PDK1: variants seen among roughly 807,000 people sequenced by gnomAD.
PDK1 encodes the protein [Pyruvate dehydrogenase (acetyl-transferring)] kinase isozyme 1, mitochondrial.
In PDK1, 39 loss-of-function variants were observed where a neutral mutation model predicts 54.2. The ratio of observed to expected loss-of-function variants is 0.72; its 90% CI spans 0.56 to 0.94. The LOEUF (loss-of-function observed/expected upper bound fraction) is 0.94, where lower values mean the gene tolerates loss of function less well. Among genes scored for constraint, PDK1 ranks in the 40% least tolerant of loss-of-function variants. The pLI, the probability that PDK1 is intolerant of heterozygous loss-of-function variation, is 0.00. For missense variants in PDK1, 552 were observed against 566.0 expected (o/e 0.98, Z 0.25); for synonymous variants, 221 against 207.1 (o/e 1.07, Z -0.58).
At chr2:172,655,162 A>G in the PDK1 span, among the ~76,000 whole-genome samples, 2 of 152,226 alleles carry the variant, frequency 1.3e-5, no homozygotes, top group Non-Finnish European at 2.9e-5. Flanking sequence ...GGCTGGAGTC[A>G]GCAGGCTTCT....
chr2:172,564,611 C>A lies in PDK1; in HGVS notation c.519C>A (p.Thr173=), dbSNP rs747378185. ...YKESFGVDPV[T]SQNVQYFLDR... ...AGAGCTTTGGGGTGGATCCTGTCACCAGCCAGAATGTTCAGTACTTTTTGG... is the reference window on the plus strand; with the variant it reads ...AGAGCTTTGGGGTGGATCCTGTCACAAGCCAGAATGTTCAGTACTTTTTGG... The change falls in exon 4 of 11, where the codon ACC becomes ACA. Residue 173 remains threonine, a synonymous_variant. Transcript: ENST00000282077. 4 of 1,614,038 alleles carry A rather than the reference C, an allele frequency of 2.5e-6. No individual in the cohort carries two copies. In the South Asian group the frequency reaches 4.4e-5, roughly 18 times the overall value.
intron 9 of PDK1, 28 bp from the exon 10 acceptor site, chr2:172,592,907 A>G: frequency 8.1e-7 from 1 of 1,229,036 alleles, no homozygotes; most frequent in Non-Finnish European, 1.2e-6. Context: ...GTCTTTCTGA[A>G]TAGAATTTTG....
At chr2:172,687,985 C>T in the PDK1 span, among the ~76,000 whole-genome samples, 1 of 152,220 alleles carries the variant, frequency 6.6e-6, no homozygotes, top group Non-Finnish European at 1.5e-5. Flanking sequence ...GGACCTCCTA[C>T]CCTGCAAAGT....
intron 8 of PDK1, among the ~76,000 whole-genome samples, chr2:172,577,143 T>C (rs898845639): frequency 1.3e-5 from 2 of 152,164 alleles, no homozygotes; most frequent in Admixed American, 1.3e-4. Flanking sequence ...TACATATATG[T>C]TTTTAATTAT....
chr2:172,720,239 C>T, the PDK1 span, among the ~76,000 whole-genome samples: 52 of 151,960 alleles, frequency 3.4e-4, no homozygotes, highest in South Asian at 6.2e-4. Flanking sequence ...CTCAGCCTCC[C>T]CGATAGCTGG....
At chr2:172,636,446 G>A in the PDK1 span, among the ~76,000 whole-genome samples, 2 of 152,092 alleles carry the variant, frequency 1.3e-5, no homozygotes, top group South Asian at 2.1e-4. Context: ...TCAGCCGGGC[G>A]CGATGGCTCA....
chr2:172,581,496 A>G (rs901180240), intron 8 of PDK1, among the ~76,000 whole-genome samples: 2 of 152,228 alleles, frequency 1.3e-5, no homozygotes, highest in Admixed American at 6.5e-5. Context: ...ATATTTGAAT[A>G]AAGCTGTTTA....
the PDK1 span, among the ~76,000 whole-genome samples, chr2:172,704,230 C>T: frequency 1.3e-5 from 2 of 152,108 alleles, no homozygotes; most frequent in African/African-American, 4.8e-5. Flanking sequence ...GCTCCTGGCA[C>T]GACAGCGATG....
At chr2:172,641,026 TTTC>T in the PDK1 span, among the ~76,000 whole-genome samples, 3 of 147,262 alleles carry the variant, frequency 2.0e-5, no homozygotes, top group African/African-American at 7.5e-5. Flanking sequence ...TTCTTTTCTT[TTTC>T]TTTCTCTTTC....
the PDK1 span, among the ~76,000 whole-genome samples, chr2:172,714,870 C>G: frequency 6.6e-6 from 1 of 152,038 alleles, no homozygotes; most frequent in South Asian, 2.1e-4. Flanking sequence ...AGCTACTATG[C>G]CTCTAAATAA....
the PDK1 span, among the ~76,000 whole-genome samples, chr2:172,630,542 A>G: frequency 3.9e-5 from 6 of 152,152 alleles, no homozygotes; most frequent in Non-Finnish European, 8.8e-5. Context: ...TGATCATCCA[A>G]TTGTGAGTCT....
chr2:172,700,721 A>G, the PDK1 span, among the ~76,000 whole-genome samples: 1 of 152,148 alleles, frequency 6.6e-6, no homozygotes, highest in Non-Finnish European at 1.5e-5. Flanking sequence ...AACATTGAGC[A>G]CTGAGTGAGC....
the PDK1 span, among the ~76,000 whole-genome samples, chr2:172,622,902 TATA>T: frequency 6.7e-6 from 1 of 148,182 alleles, no homozygotes; most frequent in Non-Finnish European, 1.5e-5. Context: ...TGTAATATAA[TATA>T]ATATATGTTT....
chr2:172,618,854 T>A, the PDK1 span, among the ~76,000 whole-genome samples: 2 of 152,192 alleles, frequency 1.3e-5, no homozygotes, highest in Non-Finnish European at 2.9e-5. Context: ...TCTTCAGAGT[T>A]GTCCCACATT....
the PDK1 span, among the ~76,000 whole-genome samples, chr2:172,651,190 A>G: frequency 6.6e-6 from 1 of 152,178 alleles, no homozygotes; most frequent in African/African-American, 2.4e-5. Context: ...CCGCTCAACT[A>G]CATGGAAACT....
chr2:172,643,694 G>A, the PDK1 span, among the ~76,000 whole-genome samples: 28 of 152,306 alleles, frequency 1.8e-4, no homozygotes, highest in East Asian at 5.4e-3. Context: ...CCACATTCAT[G>A]TGTGAAAGGA....
In PDK1 at chr2:172,596,582, A is replaced by T. The variant is rs1223389086; in HGVS notation, c.*613A>T. ...AAGTGTAATGACTAGCTCTCTGTGG[A>T]TCTATGCCAAAATCATGGGCCATCT... On this transcript the variant is annotated 3_prime_UTR_variant, in exon 11 of 11. Coordinates refer to ENST00000282077, the MANE Select transcript of PDK1 (RefSeq NM_002610.5). The T allele has an allele frequency of 6.6e-6, 1 of 152,232 alleles. No individual in the cohort carries two copies. Among genetic ancestry groups the T allele is most frequent in the Non-Finnish European group, 1.5e-5 (1 of 68,060 alleles). 9.4% of individuals were successfully genotyped at this position (152,232 alleles called of 1,614,324 possible). A position where few individuals can be genotyped will look rare whatever the true frequency, so the allele number is the denominator to read the frequency against.
At chr2:172,667,882 C>T in the PDK1 span, among the ~76,000 whole-genome samples, 1 of 152,180 alleles carries the variant, frequency 6.6e-6, no homozygotes, top group South Asian at 2.1e-4. Flanking sequence ...CACAGTTAAT[C>T]AGTGGCAAAA....
chr2:172,704,439 G>A, the PDK1 span, among the ~76,000 whole-genome samples: 1 of 152,134 alleles, frequency 6.6e-6, no homozygotes, highest in Non-Finnish European at 1.5e-5. Flanking sequence ...AGAATACAGG[G>A]CAGCTTAAGG....
Sources: allele counts gnomAD v4.1 joint callset (sites outside exome capture counted in the v4.1 genomes callset), GRCh38; gene constraint gnomAD v4.1.1; transcripts MANE v1.5; gene names NCBI Gene and HGNC (gene_info 2026-07-23, HGNC 2026-07-21).